The following L3MBTL4 variants were observed in gnomAD, a reference collection of about 807,000 sequenced individuals.
The protein encoded by L3MBTL4 is L3MBTL histone methyl-lysine binding protein 4, also known as lethal(3)malignant brain tumor-like protein 4.
Under a neutral mutation model 84.5 loss-of-function variants are expected in L3MBTL4, and 70 were observed. That is an observed-to-expected ratio of 0.83 (90% CI 0.68 to 1.01). The LOEUF (loss-of-function observed/expected upper bound fraction) is 1.01. Ranked by LOEUF, L3MBTL4 falls within the 50% of genes least tolerant of loss-of-function variation. The pLI is 0.00. For missense variants in L3MBTL4, 715 were observed against 754.8 expected, an observed-to-expected ratio of 0.95 and a Z score of 0.62; for synonymous variants, 274 against 259.8, an observed-to-expected ratio of 1.05 and a Z score of -0.52.
intron 16 of L3MBTL4, among the ~76,000 whole-genome samples, chr18:6,071,756 AGAAAAAAAGAAAGAAAG>A (rs1568066512): frequency 1.4e-5 from 2 of 140,920 alleles, no homozygotes; most frequent in African/African-American, 5.5e-5. Context: ...AAAGAAAGAA[AGAAAAAAAGAAAGAAAG>A]AAAGAAAGAA....
chr18:6,003,049 TAAAA>T (rs2054287766), intron 16 of L3MBTL4, among the ~76,000 whole-genome samples: 1 of 115,742 alleles, frequency 8.6e-6, no homozygotes, highest in African/African-American at 3.3e-5. Context: ...AGATACTATA[TAAAA>T]TATAGTATCT....
chr18:6,305,654 T>C (rs2050551568), intron 3 of L3MBTL4, among the ~76,000 whole-genome samples: 1 of 152,106 alleles, frequency 6.6e-6, no homozygotes, highest in South Asian at 2.1e-4. Flanking sequence ...AGGGAGATAA[T>C]GGTTTAAGGA....
intron 14 of L3MBTL4, among the ~76,000 whole-genome samples, chr18:6,099,609 G>GATATAT (rs2058751081): frequency 5.4e-5 from 2 of 37,060 alleles, no homozygotes; most frequent in East Asian, 2.0e-3. Flanking sequence ...TATATATATG[G>GATATAT]AGAGAGAGAG....
chr18:6,188,117 T>G (rs992890747), intron 12 of L3MBTL4, among the ~76,000 whole-genome samples: 1 of 152,046 alleles, frequency 6.6e-6, no homozygotes, highest in Non-Finnish European at 1.5e-5. Context: ...CTCCCTCACT[T>G]TTCTACCTTG....
chr18:6,376,430 T>C (rs954485536), intron 1 of L3MBTL4, among the ~76,000 whole-genome samples: 2 of 152,220 alleles, frequency 1.3e-5, no homozygotes, highest in Admixed American at 6.5e-5. Context: ...GTCTATCCTA[T>C]CTACAGGGTA....
chr18:6,046,086 G>A (rs901771288), intron 16 of L3MBTL4, among the ~76,000 whole-genome samples: 4 of 152,080 alleles, frequency 2.6e-5, no homozygotes, highest in African/African-American at 9.7e-5. Flanking sequence ...AAGAATAGCA[G>A]AGGTTGTTAT....
intron 14 of L3MBTL4, among the ~76,000 whole-genome samples, chr18:6,129,178 G>A (rs1373361046): frequency 2.0e-5 from 3 of 152,140 alleles, no homozygotes; most frequent in Admixed American, 1.3e-4. Flanking sequence ...CAGACCAACC[G>A]AACAAGAATT....
In L3MBTL4 at chr18:5,957,947, G is replaced by C. The variant is rs372175169; in HGVS notation, c.1678-1560C>G. 4.7e-5 allele frequency among the ~76,000 whole-genome samples: 6 copies of C among 128,548 alleles called. No homozygotes were observed. The East Asian group carries it at 7.0e-4, about 15-fold the overall frequency. 84.3% of individuals were successfully genotyped at this position (128,548 alleles called of 152,430 possible). A position where few individuals can be genotyped will look rare whatever the true frequency, so the allele number is the denominator to read the frequency against. On this transcript the variant is annotated intron_variant, in intron 18 of 18. Transcript: ENST00000317931. ...TGCATTCCAGCCTGGGCAACAGATA[G>C]AGACTCCACCTCAAAAAAAAAAAAA...
chr18:6,321,157 A>C (rs1347070036), intron 1 of L3MBTL4, among the ~76,000 whole-genome samples: 1 of 152,172 alleles, frequency 6.6e-6, no homozygotes, highest in Non-Finnish European at 1.5e-5. Context: ...TCTCTTGCAG[A>C]CACTGGCCTA....
At chr18:6,193,015 C>T (rs1486979925) in intron 12 of L3MBTL4, among the ~76,000 whole-genome samples, 1 of 151,868 alleles carries the variant, frequency 6.6e-6, no homozygotes, top group African/African-American at 2.4e-5. Flanking sequence ...TGCAGATTGA[C>T]GGAGTTGGGA....
chr18:6,216,568 C>A (rs1201467941), intron 10 of L3MBTL4, among the ~76,000 whole-genome samples: 1 of 152,010 alleles, frequency 6.6e-6, no homozygotes, highest in Non-Finnish European at 1.5e-5. Flanking sequence ...TCCTACATCT[C>A]TTCAGTTTAT....
chr18:6,271,819 G>A (rs2048884822), intron 4 of L3MBTL4, among the ~76,000 whole-genome samples: 1 of 152,140 alleles, frequency 6.6e-6, no homozygotes, highest in Non-Finnish European at 1.5e-5. Flanking sequence ...CACGGGGCAG[G>A]GAGATCAGCA....
At chr18:6,221,104 A>T (rs543094933) in intron 10 of L3MBTL4, among the ~76,000 whole-genome samples, 2 of 152,012 alleles carry the variant, frequency 1.3e-5, no homozygotes, top group Non-Finnish European at 2.9e-5. Context: ...ACCCTCGATT[A>T]TTTTTCCTCT....
At chr18:5,992,316 T>C (rs1459937809) in intron 16 of L3MBTL4, among the ~76,000 whole-genome samples, 1 of 152,068 alleles carries the variant, frequency 6.6e-6, no homozygotes, top group East Asian at 1.9e-4. Flanking sequence ...CGCCTGGTTA[T>C]GGGGGCCTGG....
intron 1 of L3MBTL4, among the ~76,000 whole-genome samples, chr18:6,402,250 A>T (rs928146422): frequency 6.6e-6 from 1 of 152,196 alleles, no homozygotes; most frequent in African/African-American, 2.4e-5. Context: ...GTTTAAATTC[A>T]TTGCACAATC....
intron 13 of L3MBTL4, among the ~76,000 whole-genome samples, chr18:6,142,097 C>T (rs1257985558): frequency 1.3e-5 from 2 of 152,226 alleles, no homozygotes; most frequent in African/African-American, 4.8e-5. Context: ...CTTCCTCATG[C>T]TAACTTCTGA....
At chr18:6,188,165 G>A (rs936236069) in intron 12 of L3MBTL4, among the ~76,000 whole-genome samples, 1 of 151,800 alleles carries the variant, frequency 6.6e-6, no homozygotes, top group African/African-American at 2.4e-5. Context: ...AGAAACTATT[G>A]GCCTTCACAA....
chr18:6,152,180 C>T (rs140444090), intron 13 of L3MBTL4, among the ~76,000 whole-genome samples: 42 of 152,168 alleles, frequency 2.8e-4, no homozygotes, highest in African/African-American at 7.7e-4. Flanking sequence ...TGAATAATGA[C>T]GCAATGAACA....
chr18:6,401,956 T>C (rs1464062851), intron 1 of L3MBTL4, among the ~76,000 whole-genome samples: 1 of 152,214 alleles, frequency 6.6e-6, no homozygotes, highest in African/African-American at 2.4e-5. Flanking sequence ...TGCTGTGGAA[T>C]CAAGGAAGCG....
Sources: gnomAD v4.1 joint callset for allele counts (sites outside exome capture counted in the v4.1 genomes callset) on GRCh38, gnomAD v4.1.1 for gene constraint, MANE v1.5 for transcripts, NCBI Gene and HGNC (gene_info 2026-07-23, HGNC 2026-07-21) for gene names.